The following MRTFB variants were observed in gnomAD, a reference collection of about 807,000 sequenced individuals.
MRTFB encodes the protein myocardin-related transcription factor B.
A neutral mutation model predicts 104.2 loss-of-function variants in MRTFB; 29 were observed. The ratio of observed to expected loss-of-function variants is 0.28; its 90% CI spans 0.21 to 0.38. The LOEUF (loss-of-function observed/expected upper bound fraction) is 0.38, where lower values mean the gene tolerates loss of function less well. Among genes scored for constraint, MRTFB ranks in the 10% least tolerant of loss-of-function variants. The pLI is 1.00. For synonymous variants in MRTFB, 535 were observed against 519.5 expected (o/e 1.03, Z -0.41); for missense variants, 1,270 against 1,341.6 (o/e 0.95, Z 0.83).
chr16:14,219,072 CTT>C (rs994352056), intron 8 of MRTFB, 74 bp downstream of exon 8: 2 of 1,332,750 alleles, frequency 1.5e-6, no homozygotes, highest in African/African-American at 1.5e-5. Context: ...AGGTAATACA[CTT>C]TGACCAGAAG....
At chr16:14,079,655 A>G (rs1319178534) in intron 2 of MRTFB, among the ~76,000 whole-genome samples, 1 of 152,216 alleles carries the variant, frequency 6.6e-6, no homozygotes, top group African/African-American at 2.4e-5. Flanking sequence ...GTGGTTATAT[A>G]TACTTGCAAC....
At chr16:14,185,060 G>A (rs187062663) in intron 3 of MRTFB, among the ~76,000 whole-genome samples, 21 of 152,350 alleles carry the variant, frequency 1.4e-4, no homozygotes, top group Admixed American at 1.2e-3. Flanking sequence ...AAAAGTGCAT[G>A]AGTAGTTTCT....
the MRTFB span, among the ~76,000 whole-genome samples, chr16:14,039,187 T>A: frequency 6.6e-6 from 1 of 152,250 alleles, no homozygotes; most frequent in African/African-American, 2.4e-5. Flanking sequence ...ACCTTTCAGG[T>A]GGCTCTAGTA....
At chr16:14,255,252 C>G (rs916877669) in intron 15 of MRTFB, among the ~76,000 whole-genome samples, 50 of 152,296 alleles carry the variant, frequency 3.3e-4, no homozygotes, top group African/African-American at 1.1e-3. Context: ...GAAACAATGG[C>G]TGACATGTTC....
chr16:14,252,138 A>G (rs1050639802), intron 14 of MRTFB, 115 bp downstream of exon 14: 1 of 1,301,762 alleles, frequency 7.7e-7, no homozygotes. Context: ...ATTGTTGAAA[A>G]TACAGTGATA....
intron 3 of MRTFB, among the ~76,000 whole-genome samples, chr16:14,192,121 A>T (rs1475846535): frequency 6.6e-6 from 1 of 151,952 alleles, no homozygotes; most frequent in Admixed American, 6.6e-5. Context: ...CTATAATCCC[A>T]GCACTTTTGG....
chr16:14,088,865 T>C (rs746256718), intron 2 of MRTFB, among the ~76,000 whole-genome samples: 19 of 152,352 alleles, frequency 1.2e-4, no homozygotes, highest in South Asian at 2.1e-4. Flanking sequence ...GAGAAGCAGT[T>C]CTGATAACCA....
chr16:14,180,618 A>G (rs544360965), intron 3 of MRTFB, among the ~76,000 whole-genome samples: 27 of 152,298 alleles, frequency 1.8e-4, no homozygotes, highest in African/African-American at 6.0e-4. Context: ...TGTCATGTGA[A>G]TGGCTGCCTG....
the MRTFB span, among the ~76,000 whole-genome samples, chr16:14,052,594 C>G: frequency 6.6e-6 from 1 of 152,036 alleles, no homozygotes; most frequent in Admixed American, 6.6e-5. Context: ...AAAAAATTAG[C>G]CAGGAACGGT....
At chr16:14,056,048 G>A in the MRTFB span, among the ~76,000 whole-genome samples, 4 of 151,960 alleles carry the variant, frequency 2.6e-5, no homozygotes, top group East Asian at 5.8e-4. Context: ...GCACAATCTC[G>A]GCTCACTGCA....
chr16:14,170,427 C>G (rs984718195), intron 3 of MRTFB: 2 of 152,172 alleles, frequency 1.3e-5, no homozygotes, highest in African/African-American at 4.8e-5. Flanking sequence ...TGTTAAAAAA[C>G]AAAAACTTCT....
At chr16:14,076,006 CT>C (rs2034023255) in intron 1 of MRTFB, among the ~76,000 whole-genome samples, 1 of 151,970 alleles carries the variant, frequency 6.6e-6, no homozygotes, top group South Asian at 2.1e-4. Context: ...CATAAATAAC[CT>C]TTCATTTGTT....
the MRTFB span, among the ~76,000 whole-genome samples, chr16:14,010,249 G>A: frequency 6.6e-6 from 1 of 152,144 alleles, no homozygotes; most frequent in Non-Finnish European, 1.5e-5. Context: ...AGCCTCAACA[G>A]TTCTTACAAG....
chr16:14,011,150 G>T, the MRTFB span, among the ~76,000 whole-genome samples: 5 of 152,216 alleles, frequency 3.3e-5, no homozygotes, highest in Non-Finnish European at 5.9e-5. Flanking sequence ...AAATGAAATT[G>T]TTGGGCGATG....
At chr16:14,252,157 A>T (rs2043282127) in intron 14 of MRTFB, 134 bp downstream of exon 14, 1 of 1,242,646 alleles carries the variant, frequency 8.0e-7, no homozygotes, top group Non-Finnish European at 1.1e-6. Flanking sequence ...TAACTTGTGA[A>T]GGAGGAGCTC....
At chr16:14,188,671 A>T (rs186103599) in intron 3 of MRTFB, among the ~76,000 whole-genome samples, 1 of 152,126 alleles carries the variant, frequency 6.6e-6, no homozygotes, top group Non-Finnish European at 1.5e-5. Flanking sequence ...TACATGCACC[A>T]TTTACCGGGT....
At position 14,261,033 on chromosome 16, in the gene MRTFB, A is replaced by G; in HGVS notation, c.2889A>G (p.Ala963=). Residue 963 remains alanine (A), a synonymous_variant, in exon 17 of 17, where the codon GCA becomes GCG. Transcript: ENST00000571589. Reference sequence around the variant, plus strand: ...GGCCACCACCCCAAGTCCAAATGGCACCACCTGTATCTTTAGAACCTATGG... The same window carrying G: ...GGCCACCACCCCAAGTCCAAATGGCGCCACCTGTATCTTTAGAACCTATGG... ...VSRPPPQVQM[A]PPVSLEPMGS... The G allele has an allele frequency of 6.2e-7, 1 of 1,614,194 alleles. No individual in the cohort carries two copies. The highest frequency in any genetic ancestry group is 1.3e-5 in the African/African-American group (1 of 75,040).
chr16:14,031,523 C>T, the MRTFB span, among the ~76,000 whole-genome samples: 6,239 of 152,014 alleles, frequency 0.041, 176 homozygotes, highest in Non-Finnish European at 0.062. Context: ...AATGAGTATT[C>T]GTATTGTCCT....
At chr16:14,152,643 G>T (rs1220064007) in intron 3 of MRTFB, 2 of 152,172 alleles carry the variant, frequency 1.3e-5, no homozygotes, top group Non-Finnish European at 2.9e-5. Context: ...GAAATGGGTA[G>T]TTGGGATTTA....
Sources: allele counts gnomAD v4.1 joint callset (sites outside exome capture counted in the v4.1 genomes callset), GRCh38; gene constraint gnomAD v4.1.1; transcripts MANE v1.5; gene names NCBI Gene and HGNC (gene_info 2026-07-23, HGNC 2026-07-21).